The following FAM168A variants were observed in gnomAD, a reference collection of about 807,000 sequenced individuals.
FAM168A encodes family with sequence similarity 168 member A.
Under a neutral mutation model 28.5 loss-of-function variants are expected in FAM168A, and 3 were observed. The observed-to-expected ratio is 0.11, with a 90% CI of 0.05 to 0.27. The LOEUF (loss-of-function observed/expected upper bound fraction) is 0.27, where lower values mean the gene tolerates loss of function less well. FAM168A is among the 10% of genes least tolerant of loss of function. The pLI, the probability that FAM168A is intolerant of heterozygous loss-of-function variation, is 1.00. For synonymous variants in FAM168A, 122 were observed against 124.2 expected, an observed-to-expected ratio of 0.98 and a Z score of 0.12; for missense variants, 222 against 311.5, an observed-to-expected ratio of 0.71 and a Z score of 2.16.
At chr11:73,508,122 A>G (rs754699191) in intron 1 of FAM168A, among the ~76,000 whole-genome samples, 33 of 152,292 alleles carry the variant, frequency 2.2e-4, no homozygotes, top group Non-Finnish European at 4.3e-4. Context: ...CTGATGTAAG[A>G]GTTAAATGAA....
intron 1 of FAM168A, chr11:73,580,635 T>A (rs1221419630): frequency 4.7e-6 from 2 of 426,992 alleles, no homozygotes; most frequent in African/African-American, 4.1e-5. Context: ...TTAAGCTATG[T>A]TGTTAGCACA....
chr11:73,407,686 C>T (rs1866532281), intron 6 of FAM168A, 43 bp from the exon 7 acceptor site: 3 of 1,507,562 alleles, frequency 2.0e-6, no homozygotes, highest in Non-Finnish European at 2.7e-6. Context: ...GAGGCTGCAC[C>T]AGACACAGGA....
chr11:73,494,736 C>T (rs1370668546), intron 1 of FAM168A, among the ~76,000 whole-genome samples: 1 of 152,184 alleles, frequency 6.6e-6, no homozygotes, highest in Non-Finnish European at 1.5e-5. Context: ...GAAGTTAGGT[C>T]ATGCCTGTAA....
At chr11:73,585,139 G>A (rs546769202) in intron 1 of FAM168A, among the ~76,000 whole-genome samples, 17 of 152,222 alleles carry the variant, frequency 1.1e-4, no homozygotes, top group African/African-American at 1.4e-4. Flanking sequence ...TAAAGTCAGC[G>A]CTTAATTTCT....
intron 1 of FAM168A, among the ~76,000 whole-genome samples, chr11:73,594,106 A>G (rs1356618950): frequency 6.6e-6 from 1 of 152,050 alleles, no homozygotes; most frequent in African/African-American, 2.4e-5. Context: ...TGAAGTATGA[A>G]AGTTTGATTG....
chr11:73,545,324 C>G (rs554964681), intron 1 of FAM168A, among the ~76,000 whole-genome samples: 7 of 151,582 alleles, frequency 4.6e-5, no homozygotes, highest in African/African-American at 1.7e-4. Context: ...CCACACCCAG[C>G]CGAACCTTGA....
intron 1 of FAM168A, among the ~76,000 whole-genome samples, chr11:73,488,636 A>C (rs535552000): frequency 5.3e-5 from 8 of 152,066 alleles, no homozygotes; most frequent in Non-Finnish European, 1.2e-4. Context: ...ACAGACTCTT[A>C]ACTTCTCTCC....
intron 1 of FAM168A, among the ~76,000 whole-genome samples, chr11:73,545,578 G>A (rs563397362): frequency 6.6e-6 from 1 of 151,418 alleles, no homozygotes; most frequent in East Asian, 1.9e-4. Flanking sequence ...TTAAATGAGT[G>A]AATTGTGTGG....
chr11:73,543,553 G>A (rs11823979), intron 1 of FAM168A, among the ~76,000 whole-genome samples: 31,753 of 151,926 alleles, frequency 0.21, 3,464 homozygotes, highest in African/African-American at 0.26. Context: ...GAGCTACCGC[G>A]CTCGGCCCAT....
chr11:73,592,986 G>A (rs1944399709), intron 1 of FAM168A, among the ~76,000 whole-genome samples: 1 of 151,928 alleles, frequency 6.6e-6, no homozygotes, highest in Non-Finnish European at 1.5e-5. Context: ...AATGGTGGAA[G>A]AAATAAAGCT....
At position 73,409,539 on chromosome 11, in the gene FAM168A, G is replaced by A; in HGVS notation, c.543C>T (p.Thr181=). 1.2e-6 allele frequency: 2 copies of A among 1,613,992 alleles called. No homozygotes were observed. The highest frequency in any genetic ancestry group is 1.7e-6 in the Non-Finnish European group (2 of 1,179,946). Residue 181 remains threonine, a synonymous_variant, in exon 6 of 8, where the codon ACC becomes ACT. Transcript: ENST00000356467. ...IYPAPVAAPR[T]NGVAMGMVAG... is the part of the protein sequence containing the mutation. Reference sequence around the variant, plus strand: ...CCACCATGCCCATGGCCACACCGTTGGTCCTCGGGGCGGCAACAGGTGCTG... The same window carrying A: ...CCACCATGCCCATGGCCACACCGTTAGTCCTCGGGGCGGCAACAGGTGCTG...
At chr11:73,556,415 A>T (rs1403498191) in intron 1 of FAM168A, among the ~76,000 whole-genome samples, 4 of 150,980 alleles carry the variant, frequency 2.6e-5, no homozygotes, top group Non-Finnish European at 4.4e-5. Context: ...AATAATAATA[A>T]TAATAATTTA....
chr11:73,412,646 G>A (rs1444274238), intron 4 of FAM168A, among the ~76,000 whole-genome samples: 1 of 152,214 alleles, frequency 6.6e-6, no homozygotes, highest in African/African-American at 2.4e-5. Context: ...GAAAAGGCAA[G>A]TCTTTTTAAT....
intron 1 of FAM168A, among the ~76,000 whole-genome samples, chr11:73,473,815 T>C (rs945878049): frequency 6.6e-6 from 1 of 151,992 alleles, no homozygotes; most frequent in African/African-American, 2.4e-5. Flanking sequence ...TCATCCTTTC[T>C]TACTTTTTTT....
chr11:73,445,649 A>T (rs2134538569), intron 2 of FAM168A, among the ~76,000 whole-genome samples: 1 of 151,822 alleles, frequency 6.6e-6, no homozygotes, highest in East Asian at 1.9e-4. Context: ...GTCCTAAAGG[A>T]AGTAGGTGGG....
chr11:73,445,235 G>A (rs900626681), intron 2 of FAM168A, among the ~76,000 whole-genome samples: 1 of 151,118 alleles, frequency 6.6e-6, no homozygotes, highest in Non-Finnish European at 1.5e-5. Context: ...CTCCAGCCTG[G>A]GCAACAAGAG....
At chr11:73,420,182 T>C (rs1866767429) in intron 3 of FAM168A, among the ~76,000 whole-genome samples, 183 bp from the exon 4 acceptor site, 2 of 152,150 alleles carry the variant, frequency 1.3e-5, no homozygotes, top group South Asian at 4.1e-4. Flanking sequence ...TGAAGTATGT[T>C]TCCAAATGAT....
In FAM168A at chr11:73,561,091, G is replaced by A. The variant is rs188795467; in HGVS notation, c.-19+36832C>T. The stretch of plus-strand genomic sequence containing the variant: ...AAAAAAAACAAAAAACAAAAAGACC[G>A]GGCGCGGTGGCGGTGGCTCATGCCT... On this transcript the variant is annotated intron_variant, in intron 1 of 7. Transcript: ENST00000356467. 2.2e-3 allele frequency among the ~76,000 whole-genome samples: 325 copies of A among 150,534 alleles called. 2 individuals are homozygous for A. The highest frequency in any genetic ancestry group is 4.1e-3 in the Non-Finnish European group (275 of 67,616).
chr11:73,424,905 G>C (rs1464711981), intron 3 of FAM168A: 11 of 802,374 alleles, frequency 1.4e-5, no homozygotes, highest in African/African-American at 3.5e-5. Context: ...GAGCCACCTG[G>C]GGGGAGCCCA....
Sources: allele counts gnomAD v4.1 joint callset (sites outside exome capture counted in the v4.1 genomes callset), GRCh38; gene constraint gnomAD v4.1.1; transcripts MANE v1.5; gene names NCBI Gene and HGNC (gene_info 2026-07-23, HGNC 2026-07-21).